HIRA: variants seen among roughly 807,000 people sequenced by gnomAD.
HIRA encodes protein HIRA.
HIRA carries 13 observed loss-of-function variants against 126.6 expected under a neutral mutation model. The observed-to-expected ratio is 0.10, with a 90% confidence interval of 0.07 to 0.16. The LOEUF is 0.16. Ranked by LOEUF, HIRA falls within the 10% of genes least tolerant of loss-of-function variation. HIRA has a pLI of 1.00. For synonymous variants in HIRA, 511 were observed against 520.0 expected, an observed-to-expected ratio of 0.98 and a Z score of 0.24; for missense variants, 834 against 1,314.4, an observed-to-expected ratio of 0.63 and a Z score of 5.65.
chr22:19,334,195 T>C (rs539827644), intron 24 of HIRA, among the ~76,000 whole-genome samples: 1 of 151,612 alleles, frequency 6.6e-6, no homozygotes, highest in African/African-American at 2.4e-5. Context: ...AAGGATGGTC[T>C]CGATCTCCTG....
chr22:19,421,299 C>CAAA (rs35575540), intron 1 of HIRA, among the ~76,000 whole-genome samples: 2 of 130,254 alleles, frequency 1.5e-5, no homozygotes, highest in African/African-American at 5.9e-5. Flanking sequence ...AACTCCGTCT[C>CAAA]AAAAAAAAAA....
chr22:19,410,052 C>T (rs1473056454), intron 2 of HIRA, among the ~76,000 whole-genome samples: 4 of 152,208 alleles, frequency 2.6e-5, no homozygotes, highest in African/African-American at 7.2e-5. Context: ...AGGGAGGCCC[C>T]GCTCTGGGGT....
In HIRA at chr22:19,361,234, T is replaced by C. The variant is rs540710633; in HGVS notation, c.2085+3A>G. ...GGAGAACTGGCAGGGTCCTAGAACT[T>C]ACCTGGAGGGTGAATGCTCTCTGGG... On this transcript the variant is annotated splice_donor_region_variant and intron_variant, in intron 17 of 24. Transcript: ENST00000263208. 3.5e-5 allele frequency: 56 copies of C among 1,613,084 alleles called. 1 individual carries two copies. In the South Asian group the frequency reaches 6.1e-4, roughly 18 times the overall value.
At position 19,395,424 on chromosome 22, in the gene HIRA, G is replaced by A. The variant is rs184726731; in HGVS notation, c.655-915C>T. 1.6e-3 allele frequency among the ~76,000 whole-genome samples: 237 copies of A among 152,170 alleles called. 2 individuals carry two copies. Among genetic ancestry groups the A allele is most frequent in the African/African-American group, 5.4e-3 (224 of 41,522 alleles). On this transcript the variant is annotated intron_variant, in intron 7 of 24. Coordinates refer to ENST00000263208, the MANE Select transcript of HIRA (RefSeq NM_003325.4). Reference sequence around the variant, plus strand: ...TGGTACTCAAGACACTCCTAAAGCCGTCCCTAGGAGTCCACCTCATGGGAC... The same window carrying A: ...TGGTACTCAAGACACTCCTAAAGCCATCCCTAGGAGTCCACCTCATGGGAC...
At position 19,356,372 on chromosome 22, in the gene HIRA, C is replaced by T. The variant is rs190086490; in HGVS notation, c.2397-84G>A. On this transcript the variant is annotated intron_variant, in intron 19 of 24. Coordinates refer to ENST00000263208, the MANE Select transcript of HIRA (RefSeq NM_003325.4). ...CCTTGGCTGCTCAGACACCCTGGCC[C>T]TACTGCATGCGACCCTAACCCTGGC... 6.9e-5 allele frequency: 82 copies of T among 1,181,060 alleles called. No individual in the cohort carries two copies. In the African/African-American group the frequency reaches 1.2e-3, roughly 17 times the overall value. The allele number at this position is 1,181,060 out of a possible 1,614,324, so 73.2% of individuals were successfully genotyped here.
At chr22:19,353,225 T>C (rs1305095092) in intron 23 of HIRA, 131 bp downstream of exon 23, 16 of 1,104,622 alleles carry the variant, frequency 1.4e-5, no homozygotes, top group Non-Finnish European at 1.1e-5. Context: ...CTGCCTTGAC[T>C]GCAGCTCAGG....
intron 1 of HIRA, among the ~76,000 whole-genome samples, chr22:19,413,354 C>T (rs1286131471): frequency 6.6e-6 from 1 of 152,030 alleles, no homozygotes; most frequent in Non-Finnish European, 1.5e-5. Context: ...AATCTTTAGC[C>T]CTGCCACTTA....
At chr22:19,381,838 GT>G (rs2089076124) in intron 13 of HIRA, among the ~76,000 whole-genome samples, 2 of 152,164 alleles carry the variant, frequency 1.3e-5, no homozygotes, top group Admixed American at 1.3e-4. Context: ...GGTATTAACA[GT>G]TACCTGAGTT....
At chr22:19,385,122 T>C (rs982304751) in intron 12 of HIRA, among the ~76,000 whole-genome samples, 1 of 152,154 alleles carries the variant, frequency 6.6e-6, no homozygotes, top group Non-Finnish European at 1.5e-5. Flanking sequence ...TAACGTTCCC[T>C]ACCCTTTTCC....
At chr22:19,380,040 C>T (rs1468106905) in intron 13 of HIRA, among the ~76,000 whole-genome samples, 1 of 152,072 alleles carries the variant, frequency 6.6e-6, no homozygotes, top group Non-Finnish European at 1.5e-5. Flanking sequence ...GATCTCTTGA[C>T]CTTGTATCCA....
chr22:19,356,212 G>A lies in HIRA; in HGVS notation c.2455+18C>T, dbSNP rs1319595992. ...TTGGGCCCCCAAAAGAGTAGGGACA[G>A]CCTGTTGCCTGCATTACCTGCCAGG... On this transcript the variant is annotated intron_variant, in intron 20 of 24. Transcript: ENST00000263208. The A allele has an allele frequency of 1.2e-6, 2 of 1,610,894 alleles. No individual in the cohort carries two copies. The highest frequency in any genetic ancestry group is 1.7e-6 in the Non-Finnish European group (2 of 1,177,124).
intron 18 of HIRA, among the ~76,000 whole-genome samples, chr22:19,357,591 C>T (rs1278303748): frequency 6.6e-6 from 1 of 152,226 alleles, no homozygotes; most frequent in Non-Finnish European, 1.5e-5. Flanking sequence ...CCAGCTTCTC[C>T]CGAGTGACCA....
chr22:19,424,973 C>T (rs926974260), intron 1 of HIRA, among the ~76,000 whole-genome samples: 97 of 152,166 alleles, frequency 6.4e-4, no homozygotes, highest in Admixed American at 6.3e-3. Flanking sequence ...TAAAGTCCAG[C>T]AGAAGAGACT....
At chr22:19,412,505 T>A (rs543231943) in intron 1 of HIRA, among the ~76,000 whole-genome samples, 35 of 152,266 alleles carry the variant, frequency 2.3e-4, no homozygotes, top group Non-Finnish European at 4.3e-4. Flanking sequence ...CAGCTTGAGC[T>A]GGGCATTTGT....
intron 1 of HIRA, among the ~76,000 whole-genome samples, chr22:19,424,525 G>C (rs2089474229): frequency 6.6e-6 from 1 of 152,222 alleles, no homozygotes; most frequent in African/African-American, 2.4e-5. Flanking sequence ...ACAAGCTCCA[G>C]GGACCAGACT....
Position 19,351,225 on chromosome 22 carries a change from TGCTGGGACCTGAG to T in HIRA, c.2937+120_2937+132del. On this transcript the variant is annotated intron_variant, in intron 24 of 24. Coordinates refer to ENST00000263208, the MANE Select transcript of HIRA (RefSeq NM_003325.4). This position sits in a 1 kb window ranked among gnomAD's most constrained non-coding sequence, Gnocchi z 4.8. The stretch of plus-strand genomic sequence containing the variant: ...CGTCGGCATGTCACCCTCTCACTGA[TGCTGGGACCTGAG>T]GCTGGGTGCTGGAGAAGTCTAACGG... The T allele has an allele frequency of 7.1e-7, 1 of 1,407,808 alleles. No homozygotes were observed. Among genetic ancestry groups the T allele is most frequent in the Non-Finnish European group, 9.2e-7 (1 of 1,082,392 alleles). The allele number at this position is 1,407,808 out of a possible 1,614,324, so 87.2% of individuals were successfully genotyped here.
At chr22:19,356,172 G>T in intron 20 of HIRA, 58 bp downstream of exon 20, 2 of 1,492,310 alleles carry the variant, frequency 1.3e-6, no homozygotes, top group Non-Finnish European at 1.9e-6. Context: ...CCCTTCTGCA[G>T]CATCAGACAT....
chr22:19,412,698 A>G (rs1482453312), intron 1 of HIRA, among the ~76,000 whole-genome samples: 1 of 152,158 alleles, frequency 6.6e-6, no homozygotes, highest in African/African-American at 2.4e-5. Context: ...CTGACTACCC[A>G]AGAGCACGTA....
intron 2 of HIRA, among the ~76,000 whole-genome samples, chr22:19,409,677 C>A (rs181711026): frequency 2.0e-5 from 3 of 152,294 alleles, no homozygotes; most frequent in Non-Finnish European, 4.4e-5. Flanking sequence ...ATCCAATGAA[C>A]ATGCCAAAAT....
Sources: gnomAD v4.1 joint callset for allele counts (sites outside exome capture counted in the v4.1 genomes callset) on GRCh38, gnomAD v4.1.1 for gene constraint, Gnocchi (gnomAD v3.1) non-coding constraint, MANE v1.5 for transcripts, NCBI Gene and HGNC (gene_info 2026-07-23, HGNC 2026-07-21) for gene names.